EBF1: variants seen among roughly 807,000 people sequenced by gnomAD.
The protein encoded by EBF1 is transcription factor COE1.
In EBF1, 10 loss-of-function variants were observed where a neutral mutation model predicts 68.4. The observed-to-expected ratio is 0.15, with a 90% CI of 0.09 to 0.25. EBF1 has a LOEUF of 0.25. EBF1 is among the 10% of genes least tolerant of loss of function. EBF1 has a pLI of 1.00. For synonymous variants in EBF1, 298 were observed against 299.8 expected (o/e 0.99, Z 0.06); for missense variants, 509 against 794.4 (o/e 0.64, Z 4.32).
intron 6 of EBF1, among the ~76,000 whole-genome samples, chr5:158,910,875 G>A (rs1420518751): frequency 6.6e-6 from 1 of 152,140 alleles, no homozygotes; most frequent in African/African-American, 2.4e-5. Context: ...GGCCCCAAAG[G>A]GAAACACTGC....
At chr5:158,719,843 A>G (rs1472087386) in intron 11 of EBF1, among the ~76,000 whole-genome samples, 1 of 152,188 alleles carries the variant, frequency 6.6e-6, no homozygotes, top group Non-Finnish European at 1.5e-5. Context: ...ATGCTTCAGT[A>G]ATTTCAGAGG....
intron 10 of EBF1, among the ~76,000 whole-genome samples, chr5:158,747,694 A>G (rs1229283963): frequency 6.6e-6 from 1 of 152,212 alleles, no homozygotes; most frequent in Non-Finnish European, 1.5e-5. Flanking sequence ...GACTAAAAAC[A>G]ACATGCTGTG....
intron 6 of EBF1, among the ~76,000 whole-genome samples, chr5:158,853,638 G>T (rs1042390393): frequency 6.6e-6 from 1 of 152,118 alleles, no homozygotes; most frequent in Non-Finnish European, 1.5e-5. Flanking sequence ...AAGGAGGTGT[G>T]CTGAGAGGGT....
intron 7 of EBF1, among the ~76,000 whole-genome samples, chr5:158,834,967 C>T (rs1049616278): frequency 9.9e-5 from 15 of 152,222 alleles, no homozygotes; most frequent in African/African-American, 3.1e-4. Flanking sequence ...GTAAAAGCCA[C>T]ATTGACATGT....
chr5:158,743,282 G>A (rs1411803056), intron 10 of EBF1, among the ~76,000 whole-genome samples: 2 of 152,200 alleles, frequency 1.3e-5, no homozygotes, highest in African/African-American at 2.4e-5. Context: ...GACAGGAAAA[G>A]CATTCCAGGC....
intron 6 of EBF1, among the ~76,000 whole-genome samples, chr5:159,054,592 A>G (rs1352680333): frequency 1.3e-5 from 2 of 152,274 alleles, no homozygotes; most frequent in African/African-American, 4.8e-5. Context: ...AGCAGAGCAT[A>G]TAATTTCATA....
intron 6 of EBF1, among the ~76,000 whole-genome samples, chr5:158,948,152 G>A (rs1815219387): frequency 6.6e-6 from 1 of 152,178 alleles, no homozygotes; most frequent in African/African-American, 2.4e-5. Context: ...ACGGGTGGGT[G>A]TGTCAAAACA....
intron 10 of EBF1, among the ~76,000 whole-genome samples, chr5:158,753,488 C>T (rs1489043523): frequency 2.6e-5 from 4 of 152,048 alleles, no homozygotes; most frequent in African/African-American, 9.7e-5. Context: ...TTTCTTGATT[C>T]AAGGTAGTGG....
intron 10 of EBF1, among the ~76,000 whole-genome samples, chr5:158,751,107 T>A (rs1253050630): frequency 6.6e-6 from 1 of 152,050 alleles, no homozygotes; most frequent in Non-Finnish European, 1.5e-5. Context: ...ACGAAGAAAA[T>A]GTTCATATAT....
intron 6 of EBF1, among the ~76,000 whole-genome samples, chr5:158,875,046 CACACACACAT>C (rs1169727482): frequency 3.3e-5 from 4 of 122,440 alleles, no homozygotes; most frequent in Non-Finnish European, 6.8e-5. Flanking sequence ...CACAAGCACA[CACACACACAT>C]ACACACACAC....
intron 10 of EBF1, 33 bp from the exon 11 acceptor site, chr5:158,731,190 T>G (rs1187042686): frequency 3.7e-6 from 6 of 1,601,282 alleles, no homozygotes; most frequent in Non-Finnish European, 5.1e-6. Flanking sequence ...TTAGTACATT[T>G]TCAAGAAATA....
intron 6 of EBF1, among the ~76,000 whole-genome samples, chr5:158,893,933 G>T (rs1163656956): frequency 1.3e-5 from 2 of 152,100 alleles, no homozygotes; most frequent in African/African-American, 4.8e-5. Context: ...AATGTTATCT[G>T]AGAAATCTTA....
Position 158,696,538 on chromosome 5 carries a change from T to A in EBF1, c.*2573A>T, listed in dbSNP as rs531253408. 4.4e-6 allele frequency: 1 copy of A among 224,850 alleles called. No homozygotes were observed. Among genetic ancestry groups the A allele is most frequent in the Admixed American group, 5.7e-5 (1 of 17,534 alleles). 13.9% of individuals were successfully genotyped at this position (224,850 alleles called of 1,614,324 possible). On this transcript the variant is annotated 3_prime_UTR_variant, in exon 16 of 16. Coordinates refer to ENST00000313708, the MANE Select transcript of EBF1 (RefSeq NM_024007.5). Reference sequence around the variant, plus strand: ...CACCAGATAAAATATGGCTTTAACTTGTGTACATCTTCAGGCCAGCGCTTA... The same window carrying A: ...CACCAGATAAAATATGGCTTTAACTAGTGTACATCTTCAGGCCAGCGCTTA...
intron 6 of EBF1, among the ~76,000 whole-genome samples, chr5:159,012,853 G>A (rs1561792156): frequency 6.6e-6 from 1 of 152,066 alleles, no homozygotes; most frequent in Non-Finnish European, 1.5e-5. Flanking sequence ...CATTGGGGTG[G>A]GCCTTAATCC....
chr5:158,843,898 G>A (rs1790850455), intron 6 of EBF1, among the ~76,000 whole-genome samples: 1 of 152,190 alleles, frequency 6.6e-6, no homozygotes, highest in Non-Finnish European at 1.5e-5. Flanking sequence ...CGGGGGACAT[G>A]TGCACGTCTG....
chr5:158,823,562 C>A (rs1177566146), intron 7 of EBF1, among the ~76,000 whole-genome samples: 1 of 152,150 alleles, frequency 6.6e-6, no homozygotes, highest in Non-Finnish European at 1.5e-5. Context: ...GCAGAAGGTA[C>A]ACTGTTAACC....
intron 6 of EBF1, among the ~76,000 whole-genome samples, chr5:159,038,452 G>T (rs1242932766): frequency 6.6e-6 from 1 of 152,148 alleles, no homozygotes; most frequent in African/African-American, 2.4e-5. Context: ...AAGACTCACG[G>T]TCAAAACAAC....
intron 6 of EBF1, among the ~76,000 whole-genome samples, chr5:158,928,046 C>G (rs1260274363): frequency 6.6e-6 from 1 of 152,200 alleles, no homozygotes; most frequent in Non-Finnish European, 1.5e-5. Flanking sequence ...ATTTATGGAT[C>G]CTACTATCTC....
chr5:158,987,856 A>G (rs956311565), intron 6 of EBF1, among the ~76,000 whole-genome samples: 8 of 152,240 alleles, frequency 5.3e-5, no homozygotes, highest in Non-Finnish European at 1.0e-4. Flanking sequence ...AAGGCTAGAT[A>G]GTAAAATATG....
Sources: allele counts gnomAD v4.1 joint callset (sites outside exome capture counted in the v4.1 genomes callset), GRCh38; gene constraint gnomAD v4.1.1; transcripts MANE v1.5; gene names NCBI Gene and HGNC (gene_info 2026-07-23, HGNC 2026-07-21).